KIAA1549: variants seen among roughly 807,000 people sequenced by gnomAD.
KIAA1549 encodes the protein KIAA1549, also known as UPF0606 protein KIAA1549.
A neutral mutation model predicts 156.4 loss-of-function variants in KIAA1549; 70 were observed. The ratio of observed to expected loss-of-function variants is 0.45; its 90% CI spans 0.37 to 0.55. The LOEUF (loss-of-function observed/expected upper bound fraction) is 0.55, where lower values mean the gene tolerates loss of function less well. Among genes scored for constraint, KIAA1549 ranks in the 20% least tolerant of loss-of-function variants. The probability of loss-of-function intolerance (pLI) is 0.00; values close to 1 mark genes in which losing one functional copy is unlikely to be tolerated. For synonymous variants in KIAA1549, 1,103 were observed against 1,066.4 expected (o/e 1.03, Z -0.67); for missense variants, 2,428 against 2,540.9 (o/e 0.96, Z 0.96).
chr7:138,927,644 TA>T (rs980429465), intron 1 of KIAA1549, among the ~76,000 whole-genome samples: 5 of 152,070 alleles, frequency 3.3e-5, no homozygotes, highest in African/African-American at 1.2e-4. Flanking sequence ...CTTAAAAAAA[TA>T]AAAAAAGAAT....
chr7:138,917,595 A>T lies in KIAA1549; in HGVS notation c.2031T>A (p.Asp677Glu). Residue 677 changes from aspartate to glutamate, a missense_variant, in exon 2 of 20, where the codon GAT becomes GAA. By Grantham distance (45) the Asp-to-Glu change is conservative. Around this residue, in one of 5 missense-constraint regions of KIAA1549, gnomAD observed 762 missense variants for 901.6 expected, o/e 0.85. Coordinates refer to ENST00000422774, the MANE Select transcript of KIAA1549 (RefSeq NM_001164665.2). The stretch of plus-strand genomic sequence containing the variant: ...GAAGAGACAGCTGAGATGACTGCAG[A>T]TCACTAGAGTCAAACAATGTAAATG... Reference protein sequence around the residue: ...VETFTLFDSSDLQSSQLSLPS... With the variant: ...VETFTLFDSSELQSSQLSLPS... 6.2e-7 allele frequency: 1 copy of T among 1,613,974 alleles called. No individual in the cohort carries two copies. Among genetic ancestry groups the T allele is most frequent in the Middle Eastern group, 1.6e-4 (1 of 6,062 alleles).
In KIAA1549 at chr7:138,914,174, A is replaced by G. The variant is rs373668412; in HGVS notation, c.2879-1714T>C. ...GCAGCCCCACACAGCTAAAGACATC[A>G]TCGGTCTAAATGCCACTCTGCAAAG... On this transcript the variant is annotated intron_variant, in intron 2 of 19. Coordinates refer to ENST00000422774, the MANE Select transcript of KIAA1549 (RefSeq NM_001164665.2). 4.6e-5 allele frequency among the ~76,000 whole-genome samples: 7 copies of G among 152,154 alleles called. No individual in the cohort carries two copies. In the East Asian group the frequency reaches 1.2e-3, roughly 25 times the overall value.
intron 6 of KIAA1549, 98 bp from the exon 7 acceptor site, chr7:138,905,179 C>G: frequency 2.4e-6 from 2 of 820,408 alleles, no homozygotes; most frequent in South Asian, 3.0e-5. Context: ...CTATTTAGCT[C>G]TAAATGTGAA....
intron 9 of KIAA1549, among the ~76,000 whole-genome samples, chr7:138,896,629 C>T (rs1342133804): frequency 3.3e-5 from 5 of 150,960 alleles, no homozygotes; most frequent in African/African-American, 1.2e-4. Context: ...GGGTCTCACT[C>T]TATCACTCAG....
chr7:138,978,145 G>A (rs1814435469), intron 1 of KIAA1549, among the ~76,000 whole-genome samples: 2 of 152,088 alleles, frequency 1.3e-5, no homozygotes, highest in African/African-American at 4.8e-5. Flanking sequence ...ATGTAGAGTG[G>A]AAATGGTAGT....
intron 18 of KIAA1549, among the ~76,000 whole-genome samples, chr7:138,842,076 G>A (rs1295135374): frequency 6.6e-6 from 1 of 152,176 alleles, no homozygotes; most frequent in Non-Finnish European, 1.5e-5. Flanking sequence ...CCCAACAGAC[G>A]TTGTTTGAGC....
chr7:138,920,287 T>C (rs1812531742), intron 1 of KIAA1549, among the ~76,000 whole-genome samples: 1 of 137,840 alleles, frequency 7.3e-6, no homozygotes, highest in Non-Finnish European at 1.6e-5. Context: ...AGCTTCATCC[T>C]CGATGCTCTG....
At chr7:138,889,120 T>A (rs922801991) in intron 10 of KIAA1549, among the ~76,000 whole-genome samples, 3 of 152,364 alleles carry the variant, frequency 2.0e-5, no homozygotes, top group South Asian at 4.2e-4. Flanking sequence ...AGTGAATGCC[T>A]CTAATGACTG....
rs562166819 is a variant in KIAA1549, at chr7:138,919,328, C to T, written c.298G>A (p.Gly100Ser). ...AQVALTETAP[G>S]SQHSSPLHVT... ...TGGAGAGGACTGCTGTGCTGGGAGC[C>T]GGGAGCAGTTTCTGTTAAGGCCACT... The change falls in exon 2 of 20, where the codon GGC (glycine) becomes AGC (serine). Residue 100 changes from glycine (G) to serine (S), a missense_variant. Around this residue, in one of 5 missense-constraint regions of KIAA1549, gnomAD observed 893 missense variants for 847.9 expected, o/e 1.05. Transcript: ENST00000422774. The T allele has an allele frequency of 2.0e-5, 33 of 1,613,960 alleles. No individual in the cohort carries two copies. Among genetic ancestry groups the T allele is most frequent in the Middle Eastern group, 1.6e-4 (1 of 6,062 alleles).
chr7:138,930,321 G>C (rs1194774268), intron 1 of KIAA1549, among the ~76,000 whole-genome samples: 1 of 152,148 alleles, frequency 6.6e-6, no homozygotes, highest in Non-Finnish European at 1.5e-5. Context: ...AATGGTCCAT[G>C]AGCACTGGCT....
At position 138,837,582 on chromosome 7, in the gene KIAA1549, T is replaced by C. The variant is rs1222109360; in HGVS notation, c.*324A>G. On this transcript the variant is annotated 3_prime_UTR_variant, in exon 20 of 20. Transcript: ENST00000422774. Reference sequence around the variant, plus strand: ...TTCATCCCTATGCTGTCTATACAGTTTAATCTCTACCTTTAAAAAAGAGAC... The same window carrying C: ...TTCATCCCTATGCTGTCTATACAGTCTAATCTCTACCTTTAAAAAAGAGAC... The C allele has an allele frequency of 3.9e-6, 2 of 507,448 alleles. No homozygotes were observed. The highest frequency in any genetic ancestry group is 6.9e-6 in the Non-Finnish European group (2 of 289,882). The allele number at this position is 507,448 out of a possible 1,614,324, so 31.4% of individuals were successfully genotyped here. A position where few individuals can be genotyped will look rare whatever the true frequency, so the allele number is the denominator to read the frequency against.
At chr7:138,967,133 T>G (rs1814051563) in intron 1 of KIAA1549, among the ~76,000 whole-genome samples, 1 of 152,176 alleles carries the variant, frequency 6.6e-6, no homozygotes, top group African/African-American at 2.4e-5. Flanking sequence ...CCCAGCACAG[T>G]GCCTGCACAG....
intron 1 of KIAA1549, among the ~76,000 whole-genome samples, chr7:138,971,929 A>G: frequency 6.6e-6 from 1 of 152,210 alleles, no homozygotes; most frequent in East Asian, 1.9e-4. Context: ...CAGACAGTCA[A>G]GCAAGGAGGA....
chr7:138,959,478 TTA>T (rs1461487650), intron 1 of KIAA1549, among the ~76,000 whole-genome samples: 2 of 152,146 alleles, frequency 1.3e-5, no homozygotes, highest in Admixed American at 6.5e-5. Context: ...CAAAGGGTCT[TTA>T]TGTTTATTTC....
rs191569920 is a variant in KIAA1549 at position 138,885,875 on chromosome 7, T to C, written c.4033-4291A>G. On this transcript the variant is annotated intron_variant, in intron 10 of 19. Coordinates refer to ENST00000422774, the MANE Select transcript of KIAA1549 (RefSeq NM_001164665.2). ...GGTCAGAAGTTCTGGAGACCTACAC[T>C]TGTGATGGGTGCGGGTGGAGGAGGA... 2.6e-3 allele frequency among the ~76,000 whole-genome samples: 398 copies of C among 152,298 alleles called. 1 individual carries two copies. The highest frequency in any genetic ancestry group is 9.2e-3 in the African/African-American group (383 of 41,572).
chr7:138,968,918 T>C (rs1048653302), intron 1 of KIAA1549, among the ~76,000 whole-genome samples: 14 of 152,116 alleles, frequency 9.2e-5, no homozygotes, highest in African/African-American at 2.7e-4. Flanking sequence ...CTTAATATTT[T>C]CTTTAGCATC....
At chr7:138,903,842 TGTGTGTGTGTGCGCGCGCGCGC>T in intron 7 of KIAA1549, 106 bp from the exon 8 acceptor site, 1 of 463,288 alleles carries the variant, frequency 2.2e-6, no homozygotes, top group Non-Finnish European at 3.2e-6. Context: ...TGTGTGTGTG[TGTGTGTGTGTGCGCGCGCGCGC>T]GCGCGCACAT....
intron 1 of KIAA1549, among the ~76,000 whole-genome samples, chr7:138,929,604 C>T (rs1812815364): frequency 6.6e-6 from 1 of 152,154 alleles, no homozygotes; most frequent in Non-Finnish European, 1.5e-5. Flanking sequence ...CCAGAATGTT[C>T]TTGACGTACT....
chr7:138,842,598 C>A (rs1221387748), intron 18 of KIAA1549, among the ~76,000 whole-genome samples: 1 of 151,466 alleles, frequency 6.6e-6, no homozygotes, highest in Non-Finnish European at 1.5e-5. Flanking sequence ...GAGGTTGAGG[C>A]AGGAGAATCG....
Sources: gnomAD v4.1 joint callset for allele counts (sites outside exome capture counted in the v4.1 genomes callset) on GRCh38, gnomAD v4.1.1 for gene constraint, gnomAD v4.1.1 regional missense constraint, MANE v1.5 for transcripts, NCBI Gene and HGNC (gene_info 2026-07-23, HGNC 2026-07-21) for gene names.